DNAH10: variants seen among roughly 807,000 people sequenced by gnomAD.
DNAH10 encodes the protein dynein axonemal heavy chain 10, also known as axonemal beta dynein heavy chain 10.
Under a neutral mutation model 506.6 loss-of-function variants are expected in DNAH10, and 348 were observed. That is an observed-to-expected ratio of 0.69 (90% CI 0.63 to 0.75). The LOEUF is 0.75. Ranked by LOEUF, DNAH10 falls within the 30% of genes least tolerant of loss-of-function variation. DNAH10 has a pLI of 0.00. For synonymous variants in DNAH10, 2,059 were observed against 2,198.6 expected (o/e 0.94, Z 1.78); for missense variants, 5,179 against 5,787.1 (o/e 0.89, Z 3.41).
intron 38 of DNAH10, 31 bp downstream of exon 38, chr12:123,859,299 C>A (rs1321476901): frequency 2.6e-6 from 4 of 1,509,840 alleles, no homozygotes; most frequent in Non-Finnish European, 3.6e-6. Flanking sequence ...GAGGGCCTGG[C>A]TGCCACAGGG....
chr12:123,802,328 G>A (rs1958507404), intron 16 of DNAH10, among the ~76,000 whole-genome samples: 2 of 152,108 alleles, frequency 1.3e-5, no homozygotes, highest in African/African-American at 4.8e-5. Context: ...GTTTTGAGAT[G>A]GAGTTTCGCT....
intron 28 of DNAH10, 139 bp downstream of exon 28, chr12:123,835,667 C>T: frequency 7.8e-7 from 1 of 1,283,118 alleles, no homozygotes; most frequent in South Asian, 1.5e-5. Flanking sequence ...CTCTGTTGCC[C>T]AGGCTGGAGT....
At chr12:123,776,750 CTG>C (rs1221059123) in intron 5 of DNAH10, among the ~76,000 whole-genome samples, 2 of 152,076 alleles carry the variant, frequency 1.3e-5, no homozygotes, top group African/African-American at 2.4e-5. Context: ...ATGTATGAAT[CTG>C]GAGCTCTGCG....
intron 17 of DNAH10, 52 bp from the exon 18 acceptor site, chr12:123,804,781 G>A: frequency 6.4e-7 from 1 of 1,559,608 alleles, no homozygotes; most frequent in Middle Eastern, 2.3e-4. Context: ...CCTTTTGAGT[G>A]CTGTCCTTCC....
chr12:123,813,356 C>T lies in DNAH10; in HGVS notation c.3337C>T (p.Arg1113Trp), dbSNP rs118146260. ...TATGAAGTATCTACAAAAATGGAAG[C>T]GGTATCGACCTCTCTGGAAATTGGA... ...NLMKYLQKWK[R>W]YRPLWKLDKA... The change falls in exon 20 of 79, where the codon CGG (arginine) becomes TGG (tryptophan). Residue 1113 changes from arginine to tryptophan, a missense_variant. Transcript: ENST00000673944. 4.5e-3 allele frequency: 7,315 copies of T among 1,614,178 alleles called. 28 individuals carry two copies. Among genetic ancestry groups the T allele is most frequent in the Non-Finnish European group, 5.3e-3 (6,285 of 1,180,038 alleles).
intron 24 of DNAH10, among the ~76,000 whole-genome samples, chr12:123,822,297 T>C (rs1297305077): frequency 1.3e-5 from 2 of 152,204 alleles, no homozygotes; most frequent in African/African-American, 2.4e-5. Context: ...TATTCATTCA[T>C]TTATCTATTG....
At position 123,833,114 on chromosome 12, in the gene DNAH10, G is replaced by A; in HGVS notation, c.4546G>A (p.Ala1516Thr). ...AAIKEVAIEKAVKEILDTWEN... is the reference protein window; with the variant it reads ...AAIKEVAIEKTVKEILDTWEN... ...TCATTCTTTTTCTATTCCTGAACAG[G>A]CTGTGAAGGAAATCCTAGACACGTG... Residue 1516 changes from alanine (A) to threonine (T), a missense_variant and splice_region_variant, in exon 27 of 79, where the codon GCT (alanine) becomes ACT (threonine). Transcript: ENST00000673944. 1 of 1,604,054 alleles carries A rather than the reference G, an allele frequency of 6.2e-7. No homozygotes were observed.
chr12:123,834,810 G>A (rs569803377), intron 27 of DNAH10, among the ~76,000 whole-genome samples: 15 of 152,332 alleles, frequency 9.8e-5, no homozygotes, highest in East Asian at 5.8e-4. Context: ...GTCACTTAGC[G>A]TGATGTTTTC....
intron 54 of DNAH10, among the ~76,000 whole-genome samples, chr12:123,895,801 C>T (rs567962428): frequency 6.6e-6 from 1 of 152,082 alleles, no homozygotes; most frequent in African/African-American, 2.4e-5. Flanking sequence ...TTGCTTAGAA[C>T]TTTTTTGTCC....
rs777150457 is a variant in DNAH10 at position 123,931,393 on chromosome 12, C to T, written c.12837C>T (p.His4279=). 13 of 1,613,984 alleles carry T rather than the reference C, an allele frequency of 8.1e-6. No individual in the cohort carries two copies. Among genetic ancestry groups the T allele is most frequent in the East Asian group, 2.2e-5 (1 of 44,884 alleles). ...LANTPEVFGL[H]PNAEIGYYTQ... ...ACACGCCAGAAGTGTTTGGTCTCCACCCCAACGCTGAGATTGGCTATTACA... is the reference window on the plus strand; with the variant it reads ...ACACGCCAGAAGTGTTTGGTCTCCATCCCAACGCTGAGATTGGCTATTACA... The change falls in exon 74 of 79, where the codon CAC becomes CAT. Residue 4279 remains histidine, a synonymous_variant. Coordinates refer to ENST00000673944, the MANE Select transcript of DNAH10 (RefSeq NM_001372106.1).
chr12:123,780,504 T>C (rs1377887793), intron 5 of DNAH10, among the ~76,000 whole-genome samples: 1 of 152,006 alleles, frequency 6.6e-6, no homozygotes, highest in African/African-American at 2.4e-5. Flanking sequence ...TTACTGGTGG[T>C]ATACAGAAAT....
intron 74 of DNAH10, 56 bp from the exon 75 acceptor site, chr12:123,931,580 G>C: frequency 6.2e-7 from 1 of 1,608,376 alleles, no homozygotes. Flanking sequence ...AGGCTCAGGA[G>C]GCTCCGGTTC....
intron 26 of DNAH10, 76 bp downstream of exon 26, chr12:123,830,775 T>G: frequency 7.4e-7 from 1 of 1,343,058 alleles, no homozygotes; most frequent in Non-Finnish European, 9.8e-7. Flanking sequence ...AGAACTCATC[T>G]ATACTAAAAA....
intron 38 of DNAH10, 147 bp from the exon 39 acceptor site, chr12:123,860,865 A>C: frequency 1.0e-6 from 1 of 979,874 alleles, no homozygotes; most frequent in Non-Finnish European, 1.5e-6. Context: ...CTAACAGTGA[A>C]GGGAAGCCCA....
At chr12:123,810,924 C>T (rs77121897) in intron 19 of DNAH10, among the ~76,000 whole-genome samples, 3,940 of 151,978 alleles carry the variant, frequency 0.026, 57 homozygotes, top group Middle Eastern at 0.041. Flanking sequence ...TAACTTTCCT[C>T]CTTACTAATA....
At chr12:123,833,530 G>A (rs1960801643) in intron 27 of DNAH10, among the ~76,000 whole-genome samples, 183 bp downstream of exon 27, 1 of 152,148 alleles carries the variant, frequency 6.6e-6, no homozygotes, top group African/African-American at 2.4e-5. Context: ...CAAAGGAATT[G>A]ATCTGAATTT....
At chr12:123,829,330 C>A (rs543291534) in intron 25 of DNAH10, among the ~76,000 whole-genome samples, 38 of 152,004 alleles carry the variant, frequency 2.5e-4, no homozygotes, top group African/African-American at 2.7e-4. Flanking sequence ...GGCCTTCCAA[C>A]GTCAAAAAGG....
chr12:123,857,375 C>A (rs1951437116), intron 37 of DNAH10, 128 bp downstream of exon 37: 4 of 837,550 alleles, frequency 4.8e-6, no homozygotes, highest in Non-Finnish European at 6.8e-6. Flanking sequence ...CATTTTTCCC[C>A]ATTTTTAAAT....
chr12:123,839,878 A>G (rs1950706135), intron 29 of DNAH10, among the ~76,000 whole-genome samples: 1 of 152,124 alleles, frequency 6.6e-6, no homozygotes, highest in African/African-American at 2.4e-5. Flanking sequence ...ATAAATGTAT[A>G]TGTATCCATG....
Sources: allele counts gnomAD v4.1 joint callset (sites outside exome capture counted in the v4.1 genomes callset), GRCh38; gene constraint gnomAD v4.1.1; transcripts MANE v1.5; gene names NCBI Gene and HGNC (gene_info 2026-07-23, HGNC 2026-07-21).